Variants in ST8SIA2 observed in about 807,000 individuals in gnomAD.
ST8SIA2 encodes ST8 alpha-N-acetyl-neuraminide alpha-2,8-sialyltransferase 2, also known as alpha-2,8-sialyltransferase 8B.
Under a neutral mutation model 37.6 loss-of-function variants are expected in ST8SIA2, and 22 were observed. The ratio of observed to expected loss-of-function variants is 0.58; its 90% CI spans 0.42 to 0.83. The LOEUF is 0.83. ST8SIA2 is among the 40% of genes least tolerant of loss of function. The pLI, the probability that ST8SIA2 is intolerant of heterozygous loss-of-function variation, is 0.00. For missense variants in ST8SIA2, 382 were observed against 484.7 expected, an observed-to-expected ratio of 0.79 and a Z score of 1.99; for synonymous variants, 205 against 201.2, an observed-to-expected ratio of 1.02 and a Z score of -0.16.
At chr15:92,420,015 A>G (rs2049620906) in intron 1 of ST8SIA2, among the ~76,000 whole-genome samples, 1 of 152,082 alleles carries the variant, frequency 6.6e-6, no homozygotes, top group Non-Finnish European at 1.5e-5. Context: ...ACAGGCGTGC[A>G]CCACCACGCC....
chr15:92,467,027 G>A lies in ST8SIA2; in HGVS notation c.*2642G>A. On this transcript the variant is annotated 3_prime_UTR_variant, in exon 6 of 6. Transcript: ENST00000268164. ...GAGAATGGGCCTCCACCCTCAGCCA[G>A]CCCTCACTGCTGACAGGCACCCCTC... The A allele has an allele frequency of 6.6e-6, 1 of 152,372 alleles. No individual in the cohort carries two copies. Among genetic ancestry groups the A allele is most frequent in the Non-Finnish European group, 1.5e-5 (1 of 68,278 alleles). 9.4% of individuals were successfully genotyped at this position (152,372 alleles called of 1,614,324 possible).
chr15:92,428,388 AC>A (rs983343346), intron 1 of ST8SIA2, among the ~76,000 whole-genome samples: 5 of 152,226 alleles, frequency 3.3e-5, no homozygotes, highest in African/African-American at 1.2e-4. Flanking sequence ...CAACTCAACC[AC>A]CAGATCATTA....
chr15:92,464,072 CTT>C (rs34156050), intron 5 of ST8SIA2, 26 bp from the exon 6 acceptor site: 19,984 of 1,256,444 alleles, frequency 0.016, no homozygotes, highest in East Asian at 0.049. Context: ...TGTTTCTTTT[CTT>C]TTTTTTTTTT....
chr15:92,401,505 G>A (rs1045460903), intron 1 of ST8SIA2, among the ~76,000 whole-genome samples: 2 of 152,202 alleles, frequency 1.3e-5, no homozygotes, highest in Non-Finnish European at 2.9e-5. Context: ...AGGAGGAAAC[G>A]GCTCCAACTG....
chr15:92,435,507 A>G (rs2049750153), intron 3 of ST8SIA2, among the ~76,000 whole-genome samples: 1 of 152,124 alleles, frequency 6.6e-6, no homozygotes, highest in South Asian at 2.1e-4. Context: ...AGGCCATACC[A>G]TGGGGAGAGA....
intron 1 of ST8SIA2, among the ~76,000 whole-genome samples, chr15:92,408,959 C>A (rs2049529668): frequency 6.6e-6 from 1 of 152,166 alleles, no homozygotes; most frequent in Admixed American, 6.5e-5. Context: ...CCGCCTTGGC[C>A]TCCCAAAATG....
chr15:92,414,165 C>T (rs777509632), intron 1 of ST8SIA2, among the ~76,000 whole-genome samples: 24 of 152,240 alleles, frequency 1.6e-4, no homozygotes, highest in Non-Finnish European at 2.9e-4. Context: ...ATTCAAAGCA[C>T]AGGCCCAGAA....
At chr15:92,463,986 C>A in intron 5 of ST8SIA2, 114 bp from the exon 6 acceptor site, 2 of 1,426,076 alleles carry the variant, frequency 1.4e-6, no homozygotes, top group South Asian at 1.4e-5. Flanking sequence ...CTTGATCGGT[C>A]CCTGGAGTGG....
intron 3 of ST8SIA2, 150 bp downstream of exon 3, chr15:92,434,525 A>G (rs1052874858): frequency 6.8e-5 from 87 of 1,271,818 alleles, no homozygotes; most frequent in Non-Finnish European, 7.9e-5. Context: ...GATCAATCGG[A>G]AATAAAAACC....
intron 1 of ST8SIA2, 127 bp downstream of exon 1, chr15:92,394,289 A>G: frequency 1.1e-6 from 1 of 890,482 alleles, no homozygotes; most frequent in Admixed American, 2.1e-5. Context: ...AGAGATGGGG[A>G]CGGTTTGGCA....
chr15:92,398,447 C>T (rs576315717), intron 1 of ST8SIA2, among the ~76,000 whole-genome samples: 3 of 152,330 alleles, frequency 2.0e-5, no homozygotes, highest in Non-Finnish European at 4.4e-5. Flanking sequence ...ATTATGACAA[C>T]GGTGAAGATG....
chr15:92,424,200 C>A (rs2049657469), intron 1 of ST8SIA2, among the ~76,000 whole-genome samples: 1 of 152,176 alleles, frequency 6.6e-6, no homozygotes, highest in Non-Finnish European at 1.5e-5. Flanking sequence ...ATTGTCAGCT[C>A]CTGAAAGTTC....
rs1024834286 is a variant in ST8SIA2 at position 92,464,496 on chromosome 15, T to C, written c.*111T>C. The C allele has an allele frequency of 9.7e-6, 12 of 1,238,014 alleles. No individual in the cohort carries two copies. Among genetic ancestry groups the C allele is most frequent in the Non-Finnish European group, 1.4e-5 (12 of 844,510 alleles). The allele number at this position is 1,238,014 out of a possible 1,614,324, so 76.7% of individuals were successfully genotyped here. On this transcript the variant is annotated 3_prime_UTR_variant, in exon 6 of 6. Coordinates refer to ENST00000268164, the MANE Select transcript of ST8SIA2 (RefSeq NM_006011.4). ...GAACAAGCAGGCTAGTGGTTTTCTT[T>C]GTTAAAGTGTAAAACAGTGACCAGA... is the stretch of plus-strand genomic sequence containing the variant.
At chr15:92,453,005 G>C (rs1357674417) in intron 5 of ST8SIA2, among the ~76,000 whole-genome samples, 2 of 152,052 alleles carry the variant, frequency 1.3e-5, no homozygotes, top group Non-Finnish European at 2.9e-5. Flanking sequence ...TGCTCGCACG[G>C]TGTACTTATG....
intron 5 of ST8SIA2, among the ~76,000 whole-genome samples, chr15:92,458,720 A>G (rs918594419): frequency 3.3e-5 from 5 of 152,328 alleles, no homozygotes; most frequent in Non-Finnish European, 7.4e-5. Context: ...AGGGAAGGAC[A>G]CTGGTGCACG....
intron 5 of ST8SIA2, among the ~76,000 whole-genome samples, chr15:92,460,977 A>C (rs1480990100): frequency 6.6e-6 from 1 of 152,156 alleles, no homozygotes; most frequent in Non-Finnish European, 1.5e-5. Context: ...GCCAGATCTC[A>C]GCTGGGTGAT....
rs777655812 is a variant in ST8SIA2, at chr15:92,394,081, G to A, written c.17G>A (p.Arg6Gln). The A allele has an allele frequency of 1.9e-6, 3 of 1,554,174 alleles. No individual in the cohort carries two copies. In the South Asian group the frequency reaches 3.6e-5, roughly 18 times the overall value. Reference sequence around the variant, plus strand: ...GAACCCACCATGCAGCTGCAGTTCCGGAGCTGGATGCTGGCCGCGCTCACG... The same window carrying A: ...GAACCCACCATGCAGCTGCAGTTCCAGAGCTGGATGCTGGCCGCGCTCACG... MQLQF[R>Q]SWMLAALTLL... The change falls in exon 1 of 6, where the codon CGG becomes CAG. Residue 6 changes from arginine to glutamine, a missense_variant. Physicochemically the swap from Arg to Gln is conservative, Grantham distance 43. Transcript: ENST00000268164.
In ST8SIA2 at chr15:92,465,849, A is replaced by G. The variant is rs1309550251; in HGVS notation, c.*1464A>G. 1 of 152,194 alleles carries G rather than the reference A, an allele frequency of 6.6e-6. No individual in the cohort carries two copies. Among genetic ancestry groups the G allele is most frequent in the Non-Finnish European group, 1.5e-5 (1 of 68,032 alleles). 9.4% of individuals were successfully genotyped at this position (152,194 alleles called of 1,614,324 possible). A position where few individuals can be genotyped will look rare whatever the true frequency, so the allele number is the denominator to read the frequency against. On this transcript the variant is annotated 3_prime_UTR_variant, in exon 6 of 6. Coordinates refer to ENST00000268164, the MANE Select transcript of ST8SIA2 (RefSeq NM_006011.4). Reference sequence around the variant, plus strand: ...AATCTGGGCTCGAGGCCTACAACTTAGGGGCTGGAATCACAGGTCTCACAT... The same window carrying G: ...AATCTGGGCTCGAGGCCTACAACTTGGGGGCTGGAATCACAGGTCTCACAT...
In ST8SIA2 at chr15:92,467,557, G is replaced by A. The variant is rs1325061179; in HGVS notation, c.*3172G>A. 1 of 152,576 alleles carries A rather than the reference G, an allele frequency of 6.6e-6. No homozygotes were observed. The highest frequency in any genetic ancestry group is 2.4e-5 in the African/African-American group (1 of 41,426). The allele number at this position is 152,576 out of a possible 1,614,324, so 9.5% of individuals were successfully genotyped here. ...TCGGCACCCAGAATGCCACATTCTT[G>A]TGTTTTTTTCCTCCTTCTTTCCCAA... On this transcript the variant is annotated 3_prime_UTR_variant, in exon 6 of 6. Coordinates refer to ENST00000268164, the MANE Select transcript of ST8SIA2 (RefSeq NM_006011.4).
Sources: allele counts gnomAD v4.1 joint callset (sites outside exome capture counted in the v4.1 genomes callset), GRCh38; gene constraint gnomAD v4.1.1; transcripts MANE v1.5; gene names NCBI Gene and HGNC (gene_info 2026-07-23, HGNC 2026-07-21).